The following DHRSX variants were observed in gnomAD, a reference collection of about 807,000 sequenced individuals.
DHRSX encodes the protein polyprenol dehydrogenase.
A neutral mutation model predicts 34.0 loss-of-function variants in DHRSX; 31 were observed. The observed-to-expected ratio is 0.91, with a 90% CI of 0.69 to 1.23. DHRSX has a LOEUF of 1.23. Among genes scored for constraint, DHRSX ranks in the 50% most tolerant of loss-of-function variants. The pLI, the probability that DHRSX is intolerant of heterozygous loss-of-function variation, is 0.00. For missense variants in DHRSX, 414 were observed against 428.1 expected (o/e 0.97, Z 0.29); for synonymous variants, 201 against 183.8 (o/e 1.09, Z -0.76).
intron 1 of DHRSX, among the ~76,000 whole-genome samples, chrX:2,467,065 CAA>C (rs1322980680): frequency 7.8e-5 from 5 of 63,984 alleles, no homozygotes; most frequent in Non-Finnish European, 6.6e-5. Context: ...AAGTCCATCT[CAA>C]AAAAAAAAAA....
intron 3 of DHRSX, among the ~76,000 whole-genome samples, chrX:2,386,207 A>T (rs868677964): frequency 3.6e-5 from 5 of 139,378 alleles, no homozygotes; most frequent in Admixed American, 7.3e-5. Context: ...TTTGTGTGTG[A>T]GAGAGAGAGA....
At chrX:2,420,496 G>A (rs981834051) in intron 2 of DHRSX, among the ~76,000 whole-genome samples, 1 of 151,878 alleles carries the variant, frequency 6.6e-6, no homozygotes, top group Non-Finnish European at 1.5e-5. Context: ...TGTAATACCA[G>A]CATTTTGGGA....
At chrX:2,339,881 C>T (rs995152191) in intron 3 of DHRSX, among the ~76,000 whole-genome samples, 3 of 152,070 alleles carry the variant, frequency 2.0e-5, no homozygotes, top group African/African-American at 4.8e-5. Context: ...TGGGTATATA[C>T]TCAGTCATGT....
chrX:2,424,382 G>A (rs188197668), intron 2 of DHRSX, among the ~76,000 whole-genome samples: 2,200 of 152,210 alleles, frequency 0.014, 24 homozygotes, highest in Non-Finnish European at 0.023. Context: ...ACGACCCTGT[G>A]AGGACACAGG....
intron 1 of DHRSX, among the ~76,000 whole-genome samples, chrX:2,493,139 TGAGA>T (rs1471246324): frequency 4.6e-5 from 7 of 152,170 alleles, no homozygotes; most frequent in South Asian, 2.1e-4. Flanking sequence ...TCTAAGGTGC[TGAGA>T]GAATGAATAA....
intron 5 of DHRSX, among the ~76,000 whole-genome samples, chrX:2,246,732 G>GA (rs1325458423): frequency 9.0e-6 from 1 of 110,938 alleles, no homozygotes; most frequent in Non-Finnish European, 2.3e-5. Context: ...AAGAAAGAAA[G>GA]AAAGAAAGAA....
chrX:2,346,137 C>G (rs1027231217), intron 3 of DHRSX, among the ~76,000 whole-genome samples: 3 of 152,090 alleles, frequency 2.0e-5, no homozygotes, highest in Non-Finnish European at 2.9e-5. Context: ...TACTCACTCT[C>G]TAAAATTTAA....
intron 3 of DHRSX, among the ~76,000 whole-genome samples, chrX:2,310,540 G>A (rs375912906): frequency 1.3e-5 from 2 of 150,548 alleles, no homozygotes; most frequent in African/African-American, 4.9e-5. Context: ...GTGTGTGTGT[G>A]TATATGTGTG....
At chrX:2,239,756 A>C (rs3936239) in intron 6 of DHRSX, among the ~76,000 whole-genome samples, 1 of 151,654 alleles carries the variant, frequency 6.6e-6, no homozygotes, top group Admixed American at 6.6e-5. Context: ...GCAACAGAGC[A>C]AGACTCAGTC....
At chrX:2,479,983 T>C (rs1421154698) in intron 1 of DHRSX, among the ~76,000 whole-genome samples, 1 of 152,110 alleles carries the variant, frequency 6.6e-6, no homozygotes, top group Non-Finnish European at 1.5e-5. Context: ...AAGGAAAGAA[T>C]GTTGTGCAGG....
chrX:2,378,510 C>T (rs1298603706), intron 3 of DHRSX, among the ~76,000 whole-genome samples: 2 of 152,006 alleles, frequency 1.3e-5, no homozygotes, highest in African/African-American at 4.8e-5. Context: ...CCACTTCCAC[C>T]TGATAAACAG....
intron 3 of DHRSX, among the ~76,000 whole-genome samples, chrX:2,365,762 G>A (rs2042988093): frequency 6.6e-6 from 1 of 152,076 alleles, no homozygotes; most frequent in Non-Finnish European, 1.5e-5. Flanking sequence ...AGCCTTGGGT[G>A]GATACTAGAG....
chrX:2,365,095 A>C (rs1467465625), intron 3 of DHRSX, among the ~76,000 whole-genome samples: 1 of 152,190 alleles, frequency 6.6e-6, no homozygotes, highest in African/African-American at 2.4e-5. Flanking sequence ...AAAATTGACA[A>C]ATGAGATCTC....
chrX:2,246,740 GAAAGAAAGAA>G (rs1337715087), intron 5 of DHRSX, among the ~76,000 whole-genome samples: 43 of 110,334 alleles, frequency 3.9e-4, no homozygotes, highest in African/African-American at 1.1e-3. Flanking sequence ...AAGAAAGAAA[GAAAGAAAGAA>G]AAAGAAAGAA....
chrX:2,297,762 G>GT (rs757257087), intron 3 of DHRSX, among the ~76,000 whole-genome samples: 50,701 of 144,552 alleles, frequency 0.35, 10,027 homozygotes, highest in Middle Eastern at 0.49. Context: ...GTCTTTTTGA[G>GT]TTTTTTTTTT....
chrX:2,244,964 C>A (rs1473567134), intron 5 of DHRSX, among the ~76,000 whole-genome samples: 3 of 152,136 alleles, frequency 2.0e-5, no homozygotes, highest in Non-Finnish European at 4.4e-5. Flanking sequence ...CCCACCTCGG[C>A]CTCCCAAAGT....
At chrX:2,319,626 T>C (rs1472599746) in intron 3 of DHRSX, among the ~76,000 whole-genome samples, 1 of 151,854 alleles carries the variant, frequency 6.6e-6, no homozygotes, top group African/African-American at 2.4e-5. Flanking sequence ...TCTCTTCTCT[T>C]CCTTAGCATT....
At chrX:2,479,002 C>T (rs773339153) in intron 1 of DHRSX, among the ~76,000 whole-genome samples, 1 of 151,514 alleles carries the variant, frequency 6.6e-6, no homozygotes, top group Admixed American at 6.6e-5. Flanking sequence ...CAAGGGATGG[C>T]CACCATGTAC....
chrX:2,452,044 C>T (rs1244359223), intron 1 of DHRSX, among the ~76,000 whole-genome samples: 4 of 151,738 alleles, frequency 2.6e-5, no homozygotes, highest in African/African-American at 4.8e-5. Context: ...CCGCCATATA[C>T]ACACTGAAGA....
Sources: allele counts gnomAD v4.1 joint callset (sites outside exome capture counted in the v4.1 genomes callset), GRCh38; gene constraint gnomAD v4.1.1; transcripts MANE v1.5; gene names NCBI Gene and HGNC (gene_info 2026-07-23, HGNC 2026-07-21).